Variants in TENM1 observed in about 807,000 individuals in gnomAD.
TENM1 encodes the protein teneurin transmembrane protein 1.
TENM1 carries 35 observed loss-of-function variants against 174.8 expected under a neutral mutation model. The ratio of observed to expected loss-of-function variants is 0.20; its 90% CI spans 0.15 to 0.27. TENM1 has a LOEUF of 0.27. Ranked by LOEUF, TENM1 falls within the 10% of genes least tolerant of loss-of-function variation. The pLI, the probability that TENM1 is intolerant of heterozygous loss-of-function variation, is 1.00. For missense variants in TENM1, 1,633 were observed against 2,130.1 expected, an observed-to-expected ratio of 0.77 and a Z score of 4.59; for synonymous variants, 781 against 798.7, an observed-to-expected ratio of 0.98 and a Z score of 0.37.
chrX:124,900,392 G>A (rs1193136194), intron 1 of TENM1, among the ~76,000 whole-genome samples: 1 of 111,906 alleles, frequency 8.9e-6, no homozygotes, highest in Non-Finnish European at 1.9e-5. Context: ...GAAAAGGGTG[G>A]AGGGAGAGAT....
the TENM1 span, among the ~76,000 whole-genome samples, chrX:125,124,325 T>C: frequency 8.9e-6 from 1 of 112,089 alleles, no homozygotes; most frequent in East Asian, 2.8e-4. Context: ...ATATGAGAAT[T>C]TAGTGACGTG....
At chrX:124,645,416 G>A (rs777444443) in intron 9 of TENM1, 79 bp from the exon 13 acceptor site, 60 of 959,465 alleles carry the variant, frequency 6.3e-5, no homozygotes, top group Non-Finnish European at 7.8e-5. Flanking sequence ...ATTGATTTTC[G>A]TATTTCAGGC....
chrX:125,150,511 A>T, the TENM1 span, among the ~76,000 whole-genome samples: 1 of 111,274 alleles, frequency 9.0e-6, no homozygotes, highest in African/African-American at 3.3e-5. Context: ...CATTTGGGGG[A>T]ATTCTAGTTT....
chrX:124,507,116 GA>G (rs201230522), intron 18 of TENM1, among the ~76,000 whole-genome samples: 119 of 109,349 alleles, frequency 1.1e-3, no homozygotes, highest in Non-Finnish European at 1.5e-3. Flanking sequence ...TAATAGAAAG[GA>G]AAAAAAAATT....
chrX:124,411,585 G>A lies in TENM1; in HGVS notation c.4983-5096C>T, dbSNP rs1430491344. On this transcript the variant is annotated intron_variant, in intron 25 of 31. Transcript: ENST00000422452. ...CCAATTCTGCTAGTTCACAGTTAAA[G>A]CAATCACATTTAATGGTATCTGCAG... Among the ~76,000 whole-genome samples the A allele has an allele frequency of 6.3e-5, 7 of 111,447 alleles. No individual in the cohort carries two copies. The South Asian group carries it at 2.7e-3, about 42-fold the overall frequency.
the TENM1 span, among the ~76,000 whole-genome samples, chrX:124,977,985 AGAGAGAGAGAGAGAGAGAGAGAGAG>A: frequency 2.8e-5 from 2 of 71,407 alleles, no homozygotes; most frequent in African/African-American, 1.3e-4. Context: ...AGAGAGAGAG[AGAGAGAGAGAGAGAGAGAGAGAGAG>A]AGAGAGAGAG....
intron 23 of TENM1, among the ~76,000 whole-genome samples, chrX:124,425,925 A>T (rs764297222): frequency 1.6e-4 from 18 of 110,710 alleles, no homozygotes; most frequent in African/African-American, 5.9e-4. Context: ...CTGAACTGGG[A>T]TGGCAACAAT....
chrX:125,161,342 T>C, the TENM1 span, among the ~76,000 whole-genome samples: 2 of 112,216 alleles, frequency 1.8e-5, no homozygotes, highest in African/African-American at 6.5e-5. Context: ...GTATTAGTTT[T>C]TAATTCAAAT....
chrX:124,813,909 G>A (rs1264959667), intron 3 of TENM1, among the ~76,000 whole-genome samples: 1 of 111,153 alleles, frequency 9.0e-6, no homozygotes, highest in East Asian at 2.8e-4. Flanking sequence ...TTTCTACCAC[G>A]TGCATGTGCT....
chrX:124,972,017 G>A, the TENM1 span, among the ~76,000 whole-genome samples: 2 of 110,048 alleles, frequency 1.8e-5, no homozygotes, highest in Non-Finnish European at 3.8e-5. Flanking sequence ...GGCAGATCAC[G>A]AGGTCAGGAG....
chrX:124,757,095 G>T (rs1287605195), intron 3 of TENM1, among the ~76,000 whole-genome samples: 25 of 112,643 alleles, frequency 2.2e-4, no homozygotes, highest in Non-Finnish European at 3.8e-5. Context: ...TGCCCCCAGA[G>T]GTGGAGCCTA....
intron 11 of TENM1, among the ~76,000 whole-genome samples, chrX:124,617,371 A>C (rs1423517459): frequency 8.9e-6 from 1 of 111,946 alleles, no homozygotes; most frequent in East Asian, 2.8e-4. Context: ...GACTTTCCGG[A>C]GAAAGTTTAT....
At chrX:124,704,401 A>T (rs2052847102) in intron 5 of TENM1, among the ~76,000 whole-genome samples, 1 of 112,209 alleles carries the variant, frequency 8.9e-6, no homozygotes, top group African/African-American at 3.2e-5. Flanking sequence ...AATGAGGGTG[A>T]CTTTAATCAG....
intron 5 of TENM1, among the ~76,000 whole-genome samples, chrX:124,693,925 G>A (rs2052589657): frequency 9.0e-6 from 1 of 111,561 alleles, no homozygotes; most frequent in Admixed American, 9.6e-5. Context: ...TGACTTGTTA[G>A]ATTACTAGAA....
At chrX:124,770,623 G>T (rs2054631803) in intron 3 of TENM1, among the ~76,000 whole-genome samples, 1 of 110,082 alleles carries the variant, frequency 9.1e-6, no homozygotes, top group Admixed American at 9.8e-5. Flanking sequence ...TGCTCAGGCT[G>T]GTCTCAAACT....
chrX:124,896,311 T>C (rs2057561807), intron 1 of TENM1, 70 bp from the exon 5 acceptor site: 2 of 1,088,894 alleles, frequency 1.8e-6, no homozygotes, highest in South Asian at 4.2e-5. Context: ...TTCTACTTTT[T>C]GTTCTCATTC....
At chrX:125,024,381 CA>C in the TENM1 span, among the ~76,000 whole-genome samples, 2 of 108,267 alleles carry the variant, frequency 1.8e-5, no homozygotes, top group African/African-American at 7.0e-5. Context: ...CACACACACA[CA>C]CACCACACAC....
At chrX:125,098,674 TAGCA>T in the TENM1 span, among the ~76,000 whole-genome samples, 149 of 112,081 alleles carry the variant, frequency 1.3e-3, no homozygotes, top group African/African-American at 4.6e-3. Flanking sequence ...AACTTTTGCT[TAGCA>T]AGCTTAAGTT....
At chrX:124,686,172 T>C (rs1324214901) in intron 5 of TENM1, among the ~76,000 whole-genome samples, 1 of 107,986 alleles carries the variant, frequency 9.3e-6, no homozygotes, top group Non-Finnish European at 1.9e-5. Context: ...GCAGAAACTC[T>C]GCAGGCTAGG....
Sources: allele counts gnomAD v4.1 joint callset (sites outside exome capture counted in the v4.1 genomes callset), GRCh38; gene constraint gnomAD v4.1.1; transcripts MANE v1.5; gene names NCBI Gene and HGNC (gene_info 2026-07-23, HGNC 2026-07-21).